The following FOXP1 variants were observed in gnomAD, a reference collection of about 807,000 sequenced individuals.
FOXP1 encodes forkhead box protein P1.
In FOXP1, 15 loss-of-function variants were observed where a neutral mutation model predicts 98.2. That is an observed-to-expected ratio of 0.15 (90% CI 0.10 to 0.24). The LOEUF is 0.24. FOXP1 is among the 10% of genes least tolerant of loss of function. The pLI, the probability that FOXP1 is intolerant of heterozygous loss-of-function variation, is 1.00. For missense variants in FOXP1, 633 were observed against 848.5 expected, an observed-to-expected ratio of 0.75 and a Z score of 3.15; for synonymous variants, 371 against 314.5, an observed-to-expected ratio of 1.18 and a Z score of -1.90.
At chr3:71,303,360 G>A (rs1258864354) in intron 4 of FOXP1, among the ~76,000 whole-genome samples, 1 of 152,096 alleles carries the variant, frequency 6.6e-6, no homozygotes, top group East Asian at 1.9e-4. Context: ...GTGGTGATGG[G>A]GGGCAGTTCA....
chr3:71,094,269 T>A (rs886069389), intron 7 of FOXP1, among the ~76,000 whole-genome samples: 2 of 150,478 alleles, frequency 1.3e-5, no homozygotes, highest in Non-Finnish European at 2.9e-5. Flanking sequence ...ATTCCCTTTT[T>A]TTTCTTTTCT....
intron 7 of FOXP1, among the ~76,000 whole-genome samples, chr3:71,072,707 C>T (rs1404145896): frequency 3.3e-5 from 5 of 152,162 alleles, no homozygotes; most frequent in Non-Finnish European, 7.4e-5. Flanking sequence ...ACCATGCCTG[C>T]TTTCACCAAA....
chr3:71,315,119 A>G (rs931796542), intron 4 of FOXP1, among the ~76,000 whole-genome samples: 1 of 113,746 alleles, frequency 8.8e-6, no homozygotes, highest in South Asian at 2.8e-4. Flanking sequence ...AAAGAAAGAA[A>G]AAGAAAAGAA....
intron 12 of FOXP1, among the ~76,000 whole-genome samples, chr3:71,008,288 G>A (rs1003273454): frequency 2.6e-5 from 4 of 152,124 alleles, no homozygotes; most frequent in African/African-American, 7.2e-5. Context: ...TTAAAAAAAG[G>A]GAGGGGGAGG....
At chr3:70,982,592 G>A (rs1185397078) in intron 14 of FOXP1, among the ~76,000 whole-genome samples, 2 of 151,780 alleles carry the variant, frequency 1.3e-5, no homozygotes, top group Non-Finnish European at 2.9e-5. Flanking sequence ...ATTGCTGTAG[G>A]GTTTTATTTT....
chr3:71,221,623 C>A (rs993906899), intron 5 of FOXP1, among the ~76,000 whole-genome samples: 45 of 152,192 alleles, frequency 3.0e-4, no homozygotes, highest in African/African-American at 1.1e-3. Flanking sequence ...TCTACCGCAT[C>A]TCTACCGCCT....
intron 11 of FOXP1, among the ~76,000 whole-genome samples, chr3:71,023,434 A>C (rs1361613133): frequency 6.6e-6 from 1 of 152,202 alleles, no homozygotes; most frequent in African/African-American, 2.4e-5. Context: ...TGTTCTCTTC[A>C]TATACAATTT....
intron 2 of FOXP1, among the ~76,000 whole-genome samples, chr3:71,545,356 A>G (rs2045276221): frequency 6.6e-6 from 1 of 152,228 alleles, no homozygotes; most frequent in Admixed American, 6.5e-5. Flanking sequence ...TGAGAGAAAT[A>G]ATGGTTTTCC....
intron 7 of FOXP1, among the ~76,000 whole-genome samples, chr3:71,062,817 A>C (rs913583892): frequency 1.3e-5 from 2 of 152,246 alleles, no homozygotes; most frequent in African/African-American, 4.8e-5. Context: ...AGTCGTTCTT[A>C]GGGTTAAAAA....
chr3:70,974,136 A>C (rs1475593341), intron 17 of FOXP1, among the ~76,000 whole-genome samples: 1 of 152,150 alleles, frequency 6.6e-6, no homozygotes, highest in Non-Finnish European at 1.5e-5. Context: ...AGGTCGGTTC[A>C]AGATACCCAG....
chr3:71,231,611 A>C (rs2066293958), intron 5 of FOXP1, among the ~76,000 whole-genome samples: 1 of 152,244 alleles, frequency 6.6e-6, no homozygotes, highest in African/African-American at 2.4e-5. Context: ...AAAAAACATA[A>C]ATGGACTACA....
intron 2 of FOXP1, among the ~76,000 whole-genome samples, chr3:71,515,433 C>CAAAAAAAA (rs35322006): frequency 3.1e-5 from 3 of 96,940 alleles, no homozygotes; most frequent in Admixed American, 1.2e-4. Flanking sequence ...ATTTACACAG[C>CAAAAAAAA]AAAAAAAAAA....
chr3:71,039,990 A>G (rs2048122278), intron 11 of FOXP1, among the ~76,000 whole-genome samples: 1 of 152,140 alleles, frequency 6.6e-6, no homozygotes, highest in African/African-American at 2.4e-5. Flanking sequence ...AAATTCCAAA[A>G]TGACCTTGGA....
intron 5 of FOXP1, among the ~76,000 whole-genome samples, chr3:71,258,930 G>C (rs1022753783): frequency 6.6e-6 from 1 of 152,126 alleles, no homozygotes; most frequent in African/African-American, 2.4e-5. Flanking sequence ...CGGATCACGA[G>C]GTCAGGAGAT....
intron 2 of FOXP1, chr3:71,572,133 A>G (rs1471579895): frequency 6.6e-6 from 1 of 152,240 alleles, no homozygotes; most frequent in African/African-American, 2.4e-5. Flanking sequence ...GTAACTGCTA[A>G]GTTCCAAGCC....
intron 7 of FOXP1, among the ~76,000 whole-genome samples, chr3:71,081,597 T>C (rs1253686535): frequency 6.6e-6 from 1 of 152,152 alleles, no homozygotes; most frequent in African/African-American, 2.4e-5. Flanking sequence ...ATAATCAGCC[T>C]CCAACACTTA....
intron 20 of FOXP1, among the ~76,000 whole-genome samples, chr3:70,961,191 C>G (rs964652956): frequency 7.2e-5 from 11 of 152,004 alleles, no homozygotes; most frequent in Non-Finnish European, 1.5e-4. Context: ...AGCAAAGTTG[C>G]ATTACATTAC....
chr3:70,998,915 A>C (rs2041753072), intron 13 of FOXP1, among the ~76,000 whole-genome samples: 3 of 152,148 alleles, frequency 2.0e-5, no homozygotes, highest in Admixed American at 1.3e-4. Context: ...ACAATGGCTG[A>C]ACACTCTAAT....
chr3:71,353,135 C>T (rs2077909303), intron 4 of FOXP1, among the ~76,000 whole-genome samples: 1 of 152,186 alleles, frequency 6.6e-6, no homozygotes, highest in Admixed American at 6.5e-5. Context: ...TAGCCAGAGT[C>T]ACCTGGCACT....
Sources: allele counts gnomAD v4.1 joint callset (sites outside exome capture counted in the v4.1 genomes callset), GRCh38; gene constraint gnomAD v4.1.1; transcripts MANE v1.5; gene names NCBI Gene and HGNC (gene_info 2026-07-23, HGNC 2026-07-21).